The following ATP6V1B1 variants were observed in gnomAD, a reference collection of about 807,000 sequenced individuals.
The protein encoded by ATP6V1B1 is V-type proton ATPase subunit B, kidney isoform.
A neutral mutation model predicts 62.1 loss-of-function variants in ATP6V1B1; 41 were observed. The observed-to-expected ratio is 0.66, with a 90% CI of 0.51 to 0.86. ATP6V1B1 has a LOEUF of 0.86. Ranked by LOEUF, ATP6V1B1 falls within the 40% of genes least tolerant of loss-of-function variation. The probability of loss-of-function intolerance (pLI) is 0.00; values close to 1 mark genes in which losing one functional copy is unlikely to be tolerated. For synonymous variants in ATP6V1B1, 253 were observed against 273.4 expected (o/e 0.93, Z 0.74); for missense variants, 651 against 697.5 (o/e 0.93, Z 0.75).
rs368632513 is a variant in ATP6V1B1 at position 70,962,789 on chromosome 2, C to A, written c.798C>A (p.Ile266=). 6.2e-7 allele frequency: 1 copy of A among 1,614,006 alleles called. No homozygotes were observed. The highest frequency in any genetic ancestry group is 1.1e-5 in the South Asian group (1 of 91,034). ...NLANDPTIER[I]ITPRLALTTA... ...GCTACACCTCCAGGATCGAGCGGAT[C>A]ATCACCCCGCGCCTGGCGCTGACCA... Residue 266 remains isoleucine (I), a synonymous_variant, in exon 9 of 14, where the codon ATC becomes ATA. Transcript: ENST00000234396.
At position 70,965,334 on chromosome 2, in the gene ATP6V1B1, A is replaced by G; in HGVS notation, c.*213A>G. 1 of 664,746 alleles carries G rather than the reference A, an allele frequency of 1.5e-6. No individual in the cohort carries two copies. Among genetic ancestry groups the G allele is most frequent in the Non-Finnish European group, 2.5e-6 (1 of 395,764 alleles). The allele number at this position is 664,746 out of a possible 1,614,324, so 41.2% of individuals were successfully genotyped here. A position where few individuals can be genotyped will look rare whatever the true frequency, so the allele number is the denominator to read the frequency against. On this transcript the variant is annotated 3_prime_UTR_variant, in exon 14 of 14. Transcript: ENST00000234396. ...CCCCCTCGACTCCCGGTGCTGCGGA[A>G]GAACTGAAGGTTGCGATGCCTTACT...
At chr2:70,960,743 C>T (rs1390569976) in intron 6 of ATP6V1B1, among the ~76,000 whole-genome samples, 178 bp from the exon 7 acceptor site, 3 of 152,092 alleles carry the variant, frequency 2.0e-5, no homozygotes, top group Admixed American at 6.5e-5. Flanking sequence ...ACCCCCAGCC[C>T]ACTAGCAGCC....
intron 1 of ATP6V1B1, chr2:70,941,602 C>T (rs1680006073): frequency 1.2e-6 from 1 of 803,314 alleles, no homozygotes; most frequent in Non-Finnish European, 1.5e-6. Context: ...GTTATTTGCT[C>T]TGTATCCTTC....
intron 2 of ATP6V1B1, chr2:70,944,089 C>T (rs1680084962): frequency 1.6e-6 from 2 of 1,287,888 alleles, no homozygotes; most frequent in African/African-American, 3.0e-5. Context: ...GAGGGCTAGA[C>T]TCTCCCCACC....
intron 2 of ATP6V1B1, among the ~76,000 whole-genome samples, chr2:70,946,665 C>T (rs1469260544): frequency 6.6e-6 from 1 of 152,208 alleles, no homozygotes; most frequent in African/African-American, 2.4e-5. Flanking sequence ...TGAGAATAGC[C>T]AGCAATGTTT....
chr2:70,958,022 G>A (rs527839556), intron 2 of ATP6V1B1, 24 bp from the exon 3 acceptor site: 26 of 1,605,898 alleles, frequency 1.6e-5, no homozygotes, highest in East Asian at 8.9e-5. Flanking sequence ...TCACTGTCAC[G>A]TGGCTGCTCT....
Position 70,963,502 on chromosome 2 carries a change from C to T in ATP6V1B1, c.1061-70C>T. ...CTATCACTCCCATGAGGGAAACAGA[C>T]CCCAGGTGGCCCTGAGTGGTTGGAG... On this transcript the variant is annotated intron_variant, in intron 10 of 13. Transcript: ENST00000234396. The surrounding 1 kb of genome is among the most constrained non-coding windows in gnomAD (Gnocchi z 4.3). The T allele has an allele frequency of 6.4e-7, 1 of 1,554,562 alleles. No individual in the cohort carries two copies. The highest frequency in any genetic ancestry group is 8.9e-7 in the Non-Finnish European group (1 of 1,126,872).
At chr2:70,940,833 G>A in intron 1 of ATP6V1B1, 1 of 985,060 alleles carries the variant, frequency 1.0e-6, no homozygotes, top group Non-Finnish European at 1.2e-6. Flanking sequence ...AGAAGGAGCA[G>A]ATGGGGTCAG....
At position 70,965,264 on chromosome 2, in the gene ATP6V1B1, C is replaced by G. The variant is rs1015290151; in HGVS notation, c.*143C>G. 14 of 1,155,114 alleles carry G rather than the reference C, an allele frequency of 1.2e-5. No homozygotes were observed. In the African/African-American group the frequency reaches 2.2e-4, roughly 18 times the overall value. 71.6% of individuals were successfully genotyped at this position (1,155,114 alleles called of 1,614,324 possible). A position where few individuals can be genotyped will look rare whatever the true frequency, so the allele number is the denominator to read the frequency against. On this transcript the variant is annotated 3_prime_UTR_variant, in exon 14 of 14. Transcript: ENST00000234396. ...CGAGGTGGTGGGGGCGCCGCACGCT[C>G]CATCCCTTTCCCTCGCTCGATTCCT...
Position 70,959,491 on chromosome 2 carries a change from G to C in ATP6V1B1, c.445+396G>C, listed in dbSNP as rs1289821564. ...TGTGGGAGCCCGTGGCTTGCCCTACGCCACACAGAAAGTCAGTGGCAGAGC... is the reference window on the plus strand; with the variant it reads ...TGTGGGAGCCCGTGGCTTGCCCTACCCCACACAGAAAGTCAGTGGCAGAGC... On this transcript the variant is annotated intron_variant, in intron 5 of 13. Coordinates refer to ENST00000234396, the MANE Select transcript of ATP6V1B1 (RefSeq NM_001692.4). The surrounding 1 kb of genome is among the most constrained non-coding windows in gnomAD (Gnocchi z 4.2). Among the ~76,000 whole-genome samples the C allele has an allele frequency of 6.6e-6, 1 of 152,184 alleles. No individual in the cohort carries two copies. The highest frequency in any genetic ancestry group is 1.5e-5 in the Non-Finnish European group (1 of 68,036).
intron 1 of ATP6V1B1, chr2:70,943,352 G>C: frequency 1.8e-6 from 1 of 561,460 alleles, no homozygotes; most frequent in Non-Finnish European, 3.2e-6. Context: ...GGGGGTTGAA[G>C]CCAGAGGGGA....
Position 70,963,801 on chromosome 2 carries a change from C to A in ATP6V1B1, c.1143+147C>A. On this transcript the variant is annotated intron_variant, in intron 11 of 13. Coordinates refer to ENST00000234396, the MANE Select transcript of ATP6V1B1 (RefSeq NM_001692.4). This position sits in a 1 kb window ranked among gnomAD's most constrained non-coding sequence, Gnocchi z 4.3. ...CAGCCACAGGGAAGACTGCATGGTT[C>A]ACAGACAGAAGACAGGCCTGAGCAG... 1.1e-6 allele frequency: 1 copy of A among 877,496 alleles called. No homozygotes were observed. Among genetic ancestry groups the A allele is most frequent in the South Asian group, 1.4e-5 (1 of 70,310 alleles). 54.4% of individuals were successfully genotyped at this position (877,496 alleles called of 1,614,324 possible).
intron 1 of ATP6V1B1, chr2:70,940,258 T>C: frequency 1.7e-6 from 1 of 580,424 alleles, no homozygotes; most frequent in Non-Finnish European, 2.2e-6. Context: ...AGGGAGGAAG[T>C]TGAAAGACTT....
rs549187046 is a variant in ATP6V1B1, at chr2:70,945,481, G to C, written c.174+1768G>C. ...ACCCTTCTCACAATTAGTTGGACAA[G>C]AGGATAGAGTATGTAGAAAGGAATG... On this transcript the variant is annotated intron_variant, in intron 2 of 13. Transcript: ENST00000234396. 2.6e-3 allele frequency among the ~76,000 whole-genome samples: 378 copies of C among 145,732 alleles called. 1 individual carries two copies. Among genetic ancestry groups the C allele is most frequent in the African/African-American group, 9.1e-3 (357 of 39,424 alleles).
chr2:70,960,502 G>C (rs1680560212), intron 6 of ATP6V1B1, among the ~76,000 whole-genome samples: 1 of 152,196 alleles, frequency 6.6e-6, no homozygotes, highest in Admixed American at 6.5e-5. Flanking sequence ...AAAATGGCCT[G>C]AGTGATCAGA....
intron 1 of ATP6V1B1, among the ~76,000 whole-genome samples, chr2:70,937,492 G>A (rs1226525673): frequency 6.6e-6 from 1 of 152,002 alleles, no homozygotes; most frequent in East Asian, 1.9e-4. Flanking sequence ...CTCGGGGGAG[G>A]ATAGGAGGTC....
At position 70,960,221 on chromosome 2, in the gene ATP6V1B1, C is replaced by T. The variant is rs955927216; in HGVS notation, c.585+143C>T. 5.8e-5 allele frequency: 74 copies of T among 1,286,222 alleles called. No homozygotes were observed. In the African/African-American group the frequency reaches 1.0e-3, roughly 18 times the overall value. The allele number at this position is 1,286,222 out of a possible 1,614,324, so 79.7% of individuals were successfully genotyped here. ...CGCCAGCATCGAGACTGGCAGCTGT[C>T]CCTGGGCAGCTCAGGGACTCAGGAC... On this transcript the variant is annotated intron_variant, in intron 6 of 13. Transcript: ENST00000234396.
chr2:70,963,454 C>T lies in ATP6V1B1; in HGVS notation c.1061-118C>T. On this transcript the variant is annotated intron_variant, in intron 10 of 13. Transcript: ENST00000234396. This position sits in a 1 kb window ranked among gnomAD's most constrained non-coding sequence, Gnocchi z 4.3. ...GAGATAGACACTGCCCTTTCCTCCA[C>T]CATCCATGCCCCCCACACATCCCTA... 2.6e-6 allele frequency: 4 copies of T among 1,523,142 alleles called. No individual in the cohort carries two copies. Among genetic ancestry groups the T allele is most frequent in the Non-Finnish European group, 3.6e-6 (4 of 1,102,848 alleles). The allele number at this position is 1,523,142 out of a possible 1,614,324, so 94.4% of individuals were successfully genotyped here.
chr2:70,955,961 C>T (rs71414850), intron 2 of ATP6V1B1: 639 of 164,900 alleles, frequency 3.9e-3, no homozygotes, highest in Non-Finnish European at 7.0e-3. Context: ...ATTGGGAATT[C>T]GGGAATCTTG....
Sources: allele counts gnomAD v4.1 joint callset (sites outside exome capture counted in the v4.1 genomes callset), GRCh38; gene constraint gnomAD v4.1.1; non-coding constraint Gnocchi (gnomAD v3.1); transcripts MANE v1.5; gene names NCBI Gene and HGNC (gene_info 2026-07-23, HGNC 2026-07-21).